Variants in TIMMDC1 observed in about 807,000 individuals in gnomAD.
The protein encoded by TIMMDC1 is translocase of inner mitochondrial membrane domain containing 1, also known as complex I assembly factor TIMMDC1, mitochondrial.
TIMMDC1 carries 25 observed loss-of-function variants against 32.6 expected under a neutral mutation model. The observed-to-expected ratio is 0.77, with a 90% confidence interval of 0.56 to 1.07. The LOEUF (loss-of-function observed/expected upper bound fraction) is 1.07. Among genes scored for constraint, TIMMDC1 ranks in the 50% least tolerant of loss-of-function variants. The pLI is 0.00. For missense variants in TIMMDC1, 329 were observed against 349.2 expected, an observed-to-expected ratio of 0.94 and a Z score of 0.46; for synonymous variants, 130 against 127.6, an observed-to-expected ratio of 1.02 and a Z score of -0.13.
intron 2 of TIMMDC1, among the ~76,000 whole-genome samples, chr3:119,502,880 A>AT (rs1299766165): frequency 6.6e-6 from 1 of 152,158 alleles, no homozygotes; most frequent in South Asian, 2.1e-4. Context: ...TTTAATGATG[A>AT]TTCTTCCTGT....
intron 6 of TIMMDC1, among the ~76,000 whole-genome samples, chr3:119,523,038 G>A (rs1376189032): frequency 1.3e-5 from 2 of 152,118 alleles, no homozygotes; most frequent in Non-Finnish European, 2.9e-5. Flanking sequence ...CTTTAATCCC[G>A]ATAATCACTT....
At chr3:119,520,784 C>T (rs2082021011) in intron 6 of TIMMDC1, among the ~76,000 whole-genome samples, 1 of 151,376 alleles carries the variant, frequency 6.6e-6, no homozygotes, top group South Asian at 2.1e-4. Flanking sequence ...GCTCATTAAA[C>T]AACAACAACA....
intron 5 of TIMMDC1, 45 bp downstream of exon 5, chr3:119,513,764 T>C (rs757801071): frequency 4.1e-6 from 5 of 1,228,208 alleles, no homozygotes; most frequent in Non-Finnish European, 5.8e-6. Context: ...CAATTTTCAT[T>C]AATACCTTGC....
At chr3:119,513,827 A>G (rs934542371) in intron 5 of TIMMDC1, 108 bp downstream of exon 5, 1 of 682,976 alleles carries the variant, frequency 1.5e-6, no homozygotes, top group Non-Finnish European at 2.4e-6. Context: ...CTTAGAATCT[A>G]TAAAAGATCT....
At chr3:119,507,793 G>A (rs188629805) in intron 4 of TIMMDC1, among the ~76,000 whole-genome samples, 1 of 152,190 alleles carries the variant, frequency 6.6e-6, no homozygotes, top group Non-Finnish European at 1.5e-5. Context: ...TAGTAATTTG[G>A]TATTAAGATG....
chr3:119,500,914 T>G, intron 2 of TIMMDC1, 54 bp downstream of exon 2: 1 of 1,542,084 alleles, frequency 6.5e-7, no homozygotes, highest in South Asian at 1.2e-5. Context: ...GTAATTCACT[T>G]TACACTTAAT....
chr3:119,498,716 G>T lies in TIMMDC1; in HGVS notation c.-18G>T, dbSNP rs768251632. The T allele has an allele frequency of 4.3e-6, 7 of 1,612,680 alleles. No homozygotes were observed. The Admixed American group carries it at 8.4e-5, about 19-fold the overall frequency. On this transcript the variant is annotated 5_prime_UTR_variant, in exon 1 of 7. Transcript: ENST00000494664. ...AAGTCCTGAGCGCTCAAGTTTGTCCGTAGGTCGAGAGAAGGCCATGGAGGT... is the reference window on the plus strand; with the variant it reads ...AAGTCCTGAGCGCTCAAGTTTGTCCTTAGGTCGAGAGAAGGCCATGGAGGT...
chr3:119,517,448 A>G (rs183701843), intron 6 of TIMMDC1, 133 bp downstream of exon 6: 1 of 615,910 alleles, frequency 1.6e-6, no homozygotes, highest in African/African-American at 1.8e-5. Flanking sequence ...AAGTCCTTCA[A>G]CTCATACTGT....
intron 6 of TIMMDC1, among the ~76,000 whole-genome samples, chr3:119,519,320 A>T (rs1295683302): frequency 6.6e-6 from 1 of 152,054 alleles, no homozygotes; most frequent in African/African-American, 2.4e-5. Flanking sequence ...CTGAATGAAT[A>T]AAAAAAAGTT....
chr3:119,512,669 G>T (rs1244288408), intron 4 of TIMMDC1, among the ~76,000 whole-genome samples: 1 of 152,146 alleles, frequency 6.6e-6, no homozygotes, highest in Non-Finnish European at 1.5e-5. Context: ...GGGATTAAAG[G>T]TGATTTTGAT....
At chr3:119,504,151 A>G in intron 4 of TIMMDC1, 130 bp downstream of exon 4, 1 of 667,956 alleles carries the variant, frequency 1.5e-6, no homozygotes, top group Non-Finnish European at 2.6e-6. Flanking sequence ...TTGATGCAAA[A>G]TGTATTTATG....
intron 6 of TIMMDC1, among the ~76,000 whole-genome samples, chr3:119,518,302 G>GGCT (rs2081999013): frequency 6.6e-6 from 1 of 152,016 alleles, no homozygotes; most frequent in South Asian, 2.1e-4. Flanking sequence ...AGACAGCATT[G>GGCT]GCTGCTGCTG....
intron 5 of TIMMDC1, among the ~76,000 whole-genome samples, chr3:119,515,955 T>G (rs1020573070): frequency 6.7e-6 from 1 of 148,288 alleles, no homozygotes; most frequent in Non-Finnish European, 1.5e-5. Context: ...GCTATAGATT[T>G]AATGATTTTT....
In TIMMDC1 at chr3:119,523,845, C is replaced by A; in HGVS notation, c.*89C>A. 3 of 1,345,570 alleles carry A rather than the reference C, an allele frequency of 2.2e-6. No homozygotes were observed. Among genetic ancestry groups the A allele is most frequent in the Non-Finnish European group, 3.0e-6 (3 of 1,015,684 alleles). The allele number at this position is 1,345,570 out of a possible 1,614,324, so 83.4% of individuals were successfully genotyped here. On this transcript the variant is annotated 3_prime_UTR_variant, in exon 7 of 7. Coordinates refer to ENST00000494664, the MANE Select transcript of TIMMDC1 (RefSeq NM_016589.4). ...ACAGACAGGCCACTCTTTGGTCAGC[C>A]TGCTGACAAATTTAAGTGCTGGTAC...
intron 4 of TIMMDC1, among the ~76,000 whole-genome samples, chr3:119,509,542 T>C (rs1166340744): frequency 1.3e-5 from 2 of 152,120 alleles, no homozygotes; most frequent in Non-Finnish European, 1.5e-5. Context: ...AATAAGCAGA[T>C]CTGTAGAGTT....
chr3:119,514,090 A>G (rs115431061), intron 5 of TIMMDC1, among the ~76,000 whole-genome samples: 7,743 of 152,196 alleles, frequency 0.051, 255 homozygotes, highest in Non-Finnish European at 0.072. Flanking sequence ...AAAAAAGAAC[A>G]AAAAACAGTT....
intron 4 of TIMMDC1, among the ~76,000 whole-genome samples, chr3:119,508,149 G>T (rs2081930056): frequency 6.6e-6 from 1 of 152,184 alleles, no homozygotes. Context: ...AGCCTGAGGG[G>T]ATTTTTCTCA....
intron 4 of TIMMDC1, among the ~76,000 whole-genome samples, chr3:119,508,019 T>G (rs1233233911): frequency 6.6e-6 from 1 of 152,224 alleles, no homozygotes; most frequent in African/African-American, 2.4e-5. Flanking sequence ...GGTTAATCTC[T>G]GACAAAACCC....
rs1401501072 is a variant in TIMMDC1, at chr3:119,498,841, G to A, written c.108G>A (p.Glu36=). The change falls in exon 1 of 7, where the codon GAG becomes GAA. Residue 36 remains glutamate (E), a synonymous_variant. Transcript: ENST00000494664. ...EAVTADSEVL[E]ERQKRLPYVP... is the part of the protein sequence containing the mutation. ...TGACTGCCGATTCGGAAGTCCTTGA[G>A]GAGCGTCAGAAGCGGCTTCCCTACG... 1.2e-6 allele frequency: 2 copies of A among 1,613,984 alleles called. No individual in the cohort carries two copies. Among genetic ancestry groups the A allele is most frequent in the African/African-American group, 1.3e-5 (1 of 74,928 alleles).
Sources: allele counts gnomAD v4.1 joint callset (sites outside exome capture counted in the v4.1 genomes callset), GRCh38; gene constraint gnomAD v4.1.1; transcripts MANE v1.5; gene names NCBI Gene and HGNC (gene_info 2026-07-23, HGNC 2026-07-21).